Variants in CASZ1 observed in about 807,000 individuals in gnomAD.
CASZ1 encodes castor zinc finger 1.
Under a neutral mutation model 135.2 loss-of-function variants are expected in CASZ1, and 28 were observed. The observed-to-expected ratio is 0.21, with a 90% CI of 0.15 to 0.28. CASZ1 has a LOEUF of 0.28. Among genes scored for constraint, CASZ1 ranks in the 10% least tolerant of loss-of-function variants. CASZ1 has a pLI of 1.00. For missense variants in CASZ1, 2,161 were observed against 2,453.3 expected (o/e 0.88, Z 2.52); for synonymous variants, 1,068 against 1,073.4 (o/e 0.99, Z 0.10).
intron 3 of CASZ1, among the ~76,000 whole-genome samples, chr1:10,695,876 G>T (rs1638923267): frequency 6.6e-6 from 1 of 152,060 alleles, no homozygotes; most frequent in African/African-American, 2.4e-5. Flanking sequence ...AGGGCCTTGG[G>T]CAGCCTTGCT....
chr1:10,670,078 A>T (rs116443736), intron 4 of CASZ1, among the ~76,000 whole-genome samples: 12,617 of 150,890 alleles, frequency 0.084, 859 homozygotes, highest in African/African-American at 0.18. Flanking sequence ...CAGGAACCAG[A>T]CCCCTGGGTT....
chr1:10,720,780 G>A lies in CASZ1; in HGVS notation c.-76-15236C>T, dbSNP rs2100484163. ...CCCAAGGTCAGAGAGTGGGGAGGAA[G>A]TGGACGCCGGTGGGTGAGCTGAGGG... On this transcript the variant is annotated intron_variant, in intron 2 of 20. Transcript: ENST00000377022. This position sits in a 1 kb window ranked among gnomAD's most constrained non-coding sequence, Gnocchi z 5.7. 6.6e-6 allele frequency among the ~76,000 whole-genome samples: 1 copy of A among 152,342 alleles called. No individual in the cohort carries two copies. Among genetic ancestry groups the A allele is most frequent in the South Asian group, 2.1e-4 (1 of 4,828 alleles).
Position 10,735,013 on chromosome 1 carries a change from GC to G in CASZ1, c.-77+25687del, listed in dbSNP as rs1639770611. Among the ~76,000 whole-genome samples the G allele has an allele frequency of 6.6e-6, 1 of 151,540 alleles. No homozygotes were observed. The highest frequency in any genetic ancestry group is 2.1e-4 in the South Asian group (1 of 4,664). On this transcript the variant is annotated intron_variant, in intron 2 of 20. Transcript: ENST00000377022. This position sits in a 1 kb window ranked among gnomAD's most constrained non-coding sequence, Gnocchi z 5.1. ...GGCGGCCACATACTCTCAACTCCCC[GC>G]CCCATGACCAACGGGACCCTGGGAG...
chr1:10,737,274 C>T (rs1639817637), intron 2 of CASZ1, among the ~76,000 whole-genome samples: 1 of 152,320 alleles, frequency 6.6e-6, no homozygotes, highest in African/African-American at 2.4e-5. Flanking sequence ...GCGGTGGAGG[C>T]ACAGCCCCGC....
At chr1:10,683,781 G>C (rs1638501023) in intron 4 of CASZ1, among the ~76,000 whole-genome samples, 1 of 152,204 alleles carries the variant, frequency 6.6e-6, no homozygotes, top group African/African-American at 2.4e-5. Context: ...TAGAAAAGGA[G>C]GCTTTCCCCC....
In CASZ1 at chr1:10,646,016, C is replaced by T; in HGVS notation, c.3696+112G>A. 1 of 1,045,468 alleles carries T rather than the reference C, an allele frequency of 9.6e-7. No individual in the cohort carries two copies. The highest frequency in any genetic ancestry group is 3.0e-4 in the Middle Eastern group (1 of 3,384). The allele number at this position is 1,045,468 out of a possible 1,614,324, so 64.8% of individuals were successfully genotyped here. On this transcript the variant is annotated intron_variant, in intron 17 of 20. Coordinates refer to ENST00000377022, the MANE Select transcript of CASZ1 (RefSeq NM_001079843.3). This position sits in a 1 kb window ranked among gnomAD's most constrained non-coding sequence, Gnocchi z 6.4. ...AGTCCGGGAGGCCCATTTAAATAAGCAAGGTGTGAGAAATGGAGCCTCTGC... is the reference window on the plus strand; with the variant it reads ...AGTCCGGGAGGCCCATTTAAATAAGTAAGGTGTGAGAAATGGAGCCTCTGC...
At chr1:10,652,367 G>A (rs1333576075) in intron 11 of CASZ1, 1 of 152,296 alleles carries the variant, frequency 6.6e-6, no homozygotes, top group African/African-American at 2.4e-5. Flanking sequence ...TCCACGGCGT[G>A]GGGCTCTGTC....
At chr1:10,754,531 C>T (rs909615402) in intron 2 of CASZ1, among the ~76,000 whole-genome samples, 1 of 152,222 alleles carries the variant, frequency 6.6e-6, no homozygotes, top group South Asian at 2.1e-4. Context: ...CTCCCCTGAC[C>T]CTACTGGACC....
At chr1:10,695,176 G>A (rs1288459051) in intron 3 of CASZ1, among the ~76,000 whole-genome samples, 1 of 151,148 alleles carries the variant, frequency 6.6e-6, no homozygotes, top group African/African-American at 2.4e-5. Context: ...GGAGCGCGGG[G>A]CGAGGCGGGG....
At chr1:10,740,691 G>C (rs534098360) in intron 2 of CASZ1, among the ~76,000 whole-genome samples, 114 of 152,336 alleles carry the variant, frequency 7.5e-4, no homozygotes, top group Non-Finnish European at 1.2e-3. Flanking sequence ...GCTCATGCCT[G>C]TAATCCCCGC....
At chr1:10,782,245 A>G (rs1012786406) in intron 1 of CASZ1, among the ~76,000 whole-genome samples, 2 of 152,232 alleles carry the variant, frequency 1.3e-5, no homozygotes, top group Admixed American at 1.3e-4. Context: ...GGGGAGGTCT[A>G]GGGACACGGG....
intron 3 of CASZ1, among the ~76,000 whole-genome samples, chr1:10,703,424 T>C (rs1639104978): frequency 6.6e-6 from 1 of 152,100 alleles, no homozygotes; most frequent in Non-Finnish European, 1.5e-5. Context: ...CTCAGCCTGC[T>C]TGCCCCTCAG....
chr1:10,660,814 A>C, intron 5 of CASZ1: 1 of 489,864 alleles, frequency 2.0e-6, no homozygotes, highest in Non-Finnish European at 3.6e-6. Flanking sequence ...TTTTCAGTAC[A>C]TTAAACAAAG....
chr1:10,767,587 G>A lies in CASZ1; in HGVS notation c.-233-6730C>T, dbSNP rs1019031674. Among the ~76,000 whole-genome samples the A allele has an allele frequency of 6.6e-6, 1 of 152,196 alleles. No individual in the cohort carries two copies. The highest frequency in any genetic ancestry group is 1.5e-5 in the Non-Finnish European group (1 of 68,034). On this transcript the variant is annotated intron_variant, in intron 1 of 20. Transcript: ENST00000377022. This position sits in a 1 kb window ranked among gnomAD's most constrained non-coding sequence, Gnocchi z 4.2. ...CACACCTGCTCGGAGACCAGGCTTG[G>A]TGGCTCAGCCCTTTCTGCCATCGAC... is the stretch of plus-strand genomic sequence containing the variant.
At position 10,711,633 on chromosome 1, in the gene CASZ1, T is replaced by C. The variant is rs1639288186; in HGVS notation, c.-76-6089A>G. Among the ~76,000 whole-genome samples, 1 of 151,780 alleles carries C rather than the reference T, an allele frequency of 6.6e-6. No homozygotes were observed. Among genetic ancestry groups the C allele is most frequent in the Non-Finnish European group, 1.5e-5 (1 of 67,974 alleles). ...CAAACAAAACCTTGTGCATGAATGT[T>C]CATAGCAGCACTATTCACAGTAGTC... On this transcript the variant is annotated intron_variant, in intron 2 of 20. Transcript: ENST00000377022. This position sits in a 1 kb window ranked among gnomAD's most constrained non-coding sequence, Gnocchi z 4.4.
At chr1:10,771,682 TCTTCC>T (rs1456894110) in intron 1 of CASZ1, among the ~76,000 whole-genome samples, 9 of 151,890 alleles carry the variant, frequency 5.9e-5, no homozygotes, top group African/African-American at 2.2e-4. Context: ...CTCCTCCTCC[TCTTCC>T]TCCTCCTCCT....
At chr1:10,751,395 C>T (rs996447374) in intron 2 of CASZ1, among the ~76,000 whole-genome samples, 6 of 151,984 alleles carry the variant, frequency 3.9e-5, no homozygotes, top group African/African-American at 1.5e-4. Context: ...ACTTCTGGCC[C>T]CATCTTCAGG....
chr1:10,782,677 CT>C (rs1219791477), intron 1 of CASZ1, among the ~76,000 whole-genome samples: 1 of 152,100 alleles, frequency 6.6e-6, no homozygotes. Flanking sequence ...AAATGTACAG[CT>C]GGGTCTAGAG....
chr1:10,780,076 CACGGTG>C (rs1640736209), intron 1 of CASZ1, among the ~76,000 whole-genome samples: 1 of 152,204 alleles, frequency 6.6e-6, no homozygotes, highest in African/African-American at 2.4e-5. Flanking sequence ...CCCTCACCCT[CACGGTG>C]ACCTTCACTC....
Sources: gnomAD v4.1 joint callset for allele counts (sites outside exome capture counted in the v4.1 genomes callset) on GRCh38, gnomAD v4.1.1 for gene constraint, Gnocchi (gnomAD v3.1) non-coding constraint, MANE v1.5 for transcripts, NCBI Gene and HGNC (gene_info 2026-07-23, HGNC 2026-07-21) for gene names.